The following CELF4 variants were observed in gnomAD, a reference collection of about 807,000 sequenced individuals.
CELF4 encodes the protein CUG-BP- and ETR-3-like factor 4.
Under a neutral mutation model 59.9 loss-of-function variants are expected in CELF4, and 18 were observed. The observed-to-expected ratio is 0.30, with a 90% confidence interval of 0.21 to 0.45. The LOEUF is 0.45. Ranked by LOEUF, CELF4 falls within the 20% of genes least tolerant of loss-of-function variation. The pLI is 1.00. For synonymous variants in CELF4, 261 were observed against 267.1 expected, an observed-to-expected ratio of 0.98 and a Z score of 0.22; for missense variants, 456 against 689.0, an observed-to-expected ratio of 0.66 and a Z score of 3.79.
rs1434575336 is a variant in CELF4 at position 37,259,207 on chromosome 18, T to C, written c.1307A>G (p.Glu436Gly). The change falls in exon 11 of 13, where the codon GAG (glutamate) becomes GGG (glycine). Residue 436 changes from glutamate (E) to glycine (G), a missense_variant. Physicochemically the swap from Glu to Gly is moderately conservative, Grantham distance 98. Around this residue, in one of 7 missense-constraint regions of CELF4, gnomAD observed 256 missense variants for 340.8 expected, o/e 0.75. Coordinates refer to ENST00000420428, the MANE Select transcript of CELF4 (RefSeq NM_020180.4). The stretch of plus-strand genomic sequence containing the variant: ...GAAAGGGAGGAACATCTGCATCAGC[T>C]CAGCGTCCCCAAACTCCTGGGGCAG... ...YHLPQEFGDA[E>G]LMQMFLPFGF... 2 of 1,602,314 alleles carry C rather than the reference T, an allele frequency of 1.2e-6. No individual in the cohort carries two copies. Among genetic ancestry groups the C allele is most frequent in the Non-Finnish European group, 1.7e-6 (2 of 1,174,616 alleles).
At chr18:37,551,545 T>G (rs1204229077) in intron 1 of CELF4, among the ~76,000 whole-genome samples, 2 of 152,132 alleles carry the variant, frequency 1.3e-5, no homozygotes, top group Non-Finnish European at 2.9e-5. Flanking sequence ...ATCCAGCCAC[T>G]CCTGTGCTGG....
chr18:37,369,743 A>G (rs1479361407), intron 2 of CELF4, among the ~76,000 whole-genome samples: 1 of 152,234 alleles, frequency 6.6e-6, no homozygotes, highest in Non-Finnish European at 1.5e-5. Context: ...TGACTCTCGT[A>G]GAATCACTGC....
intron 2 of CELF4, among the ~76,000 whole-genome samples, chr18:37,437,324 G>A (rs1242237824): frequency 6.6e-6 from 1 of 152,228 alleles, no homozygotes; most frequent in Admixed American, 6.5e-5. Flanking sequence ...GTGAGGATGG[G>A]CAAGCACACT....
chr18:37,246,703 T>C lies in CELF4; in HGVS notation c.*45-1506A>G, dbSNP rs2062302605. ...CCCAAATTTCTAGAAAAAAATAAAA[T>C]CACAATATTTTCAAGTGCAAGTAAA... On this transcript the variant is annotated intron_variant, in intron 12 of 12. Coordinates refer to ENST00000420428, the MANE Select transcript of CELF4 (RefSeq NM_020180.4). This position sits in a 1 kb window ranked among gnomAD's most constrained non-coding sequence, Gnocchi z 5.3. Among the ~76,000 whole-genome samples, 1 of 151,962 alleles carries C rather than the reference T, an allele frequency of 6.6e-6. No individual in the cohort carries two copies. Among genetic ancestry groups the C allele is most frequent in the Non-Finnish European group, 1.5e-5 (1 of 67,992 alleles).
chr18:37,466,245 C>T (rs188794602), intron 2 of CELF4, among the ~76,000 whole-genome samples: 11 of 152,250 alleles, frequency 7.2e-5, no homozygotes, highest in Admixed American at 2.6e-4. Context: ...TGAGATGTTC[C>T]GAAGGAAGTG....
chr18:37,457,986 C>A (rs2099783101), intron 2 of CELF4, among the ~76,000 whole-genome samples: 1 of 152,084 alleles, frequency 6.6e-6, no homozygotes, highest in Non-Finnish European at 1.5e-5. Context: ...AGGTGTCAGG[C>A]TGAGGGTGTT....
chr18:37,269,546 A>G (rs1259208629), intron 8 of CELF4, among the ~76,000 whole-genome samples: 1 of 152,100 alleles, frequency 6.6e-6, no homozygotes, highest in Admixed American at 6.5e-5. Flanking sequence ...CCTGCTGCCA[A>G]TTCACCTTGG....
At chr18:37,297,653 C>G (rs1376842473) in intron 3 of CELF4, among the ~76,000 whole-genome samples, 1 of 152,206 alleles carries the variant, frequency 6.6e-6, no homozygotes, top group Non-Finnish European at 1.5e-5. Flanking sequence ...AGATATAGAG[C>G]ATTTCCGTTT....
chr18:37,518,701 G>A (rs2099953738), intron 1 of CELF4, among the ~76,000 whole-genome samples: 1 of 152,166 alleles, frequency 6.6e-6, no homozygotes, highest in Non-Finnish European at 1.5e-5. Flanking sequence ...GGGTTGGAGT[G>A]TGATTTACTA....
At chr18:37,470,318 A>G (rs2099817966) in intron 2 of CELF4, among the ~76,000 whole-genome samples, 2 of 152,212 alleles carry the variant, frequency 1.3e-5, no homozygotes, top group African/African-American at 4.8e-5. Flanking sequence ...CTAGTTACAC[A>G]GGCTTTGCAT....
chr18:37,515,080 C>G (rs1200069457), intron 1 of CELF4, among the ~76,000 whole-genome samples: 1 of 152,166 alleles, frequency 6.6e-6, no homozygotes, highest in African/African-American at 2.4e-5. Flanking sequence ...GCCTGTGTCT[C>G]TTTCTGAGTG....
intron 3 of CELF4, among the ~76,000 whole-genome samples, chr18:37,280,958 T>G (rs1662918): frequency 0.79 from 120,972 of 152,218 alleles, 48,428 homozygotes; most frequent in African/African-American, 0.91. Flanking sequence ...CTAACGGAAA[T>G]ACAATGGAAT....
At chr18:37,483,143 C>G (rs975293703) in intron 2 of CELF4, among the ~76,000 whole-genome samples, 1 of 152,112 alleles carries the variant, frequency 6.6e-6, no homozygotes, top group Non-Finnish European at 1.5e-5. Context: ...GGCTTGGTCC[C>G]GTCCCTGCAT....
intron 2 of CELF4, among the ~76,000 whole-genome samples, chr18:37,470,857 T>A (rs1569569533): frequency 1.7e-5 from 2 of 120,616 alleles, no homozygotes; most frequent in South Asian, 5.9e-4. Flanking sequence ...TGTGTGTGTG[T>A]GTGTGTGTGT....
intron 3 of CELF4, among the ~76,000 whole-genome samples, chr18:37,291,476 T>C (rs1180541162): frequency 6.6e-6 from 1 of 152,200 alleles, no homozygotes; most frequent in African/African-American, 2.4e-5. Context: ...TCAGCGAAGA[T>C]AAAATGTGAA....
chr18:37,517,279 T>C (rs1183949749), intron 1 of CELF4, among the ~76,000 whole-genome samples: 2 of 152,190 alleles, frequency 1.3e-5, no homozygotes, highest in African/African-American at 4.8e-5. Flanking sequence ...TACAGGCAGA[T>C]TCCTGTTGGA....
In CELF4 at chr18:37,476,660, G is replaced by A. The variant is rs370658367; in HGVS notation, c.369+8865C>T. Reference sequence around the variant, plus strand: ...ACAACAAAGACGTGTCCTTCTGCTCGCCCACACACATGCGCCCAGCAGAAA... The same window carrying A: ...ACAACAAAGACGTGTCCTTCTGCTCACCCACACACATGCGCCCAGCAGAAA... On this transcript the variant is annotated intron_variant, in intron 2 of 12. Coordinates refer to ENST00000420428, the MANE Select transcript of CELF4 (RefSeq NM_020180.4). Among the ~76,000 whole-genome samples the A allele has an allele frequency of 8.0e-4, 121 of 152,192 alleles. No homozygotes were observed. In the East Asian group the frequency reaches 0.013, roughly 16 times the overall value.
chr18:37,405,123 G>T (rs980432313), intron 2 of CELF4, among the ~76,000 whole-genome samples: 8 of 151,338 alleles, frequency 5.3e-5, no homozygotes, highest in South Asian at 2.1e-4. Flanking sequence ...TCAGATTCCT[G>T]GTTCCTCCAG....
intron 2 of CELF4, among the ~76,000 whole-genome samples, chr18:37,324,831 T>C (rs530762596): frequency 6.6e-6 from 1 of 152,308 alleles, no homozygotes; most frequent in South Asian, 2.1e-4. Context: ...AAATAGATTA[T>C]CTCTAACTTC....
Sources: allele counts gnomAD v4.1 joint callset (sites outside exome capture counted in the v4.1 genomes callset), GRCh38; gene constraint gnomAD v4.1.1; regional missense constraint gnomAD v4.1.1; non-coding constraint Gnocchi (gnomAD v3.1); transcripts MANE v1.5; gene names NCBI Gene and HGNC (gene_info 2026-07-23, HGNC 2026-07-21).